NRG2: variants seen among roughly 807,000 people sequenced by gnomAD.
NRG2 encodes pro-neuregulin-2, membrane-bound isoform.
Under a neutral mutation model 73.9 loss-of-function variants are expected in NRG2, and 27 were observed. That is an observed-to-expected ratio of 0.37 (90% confidence interval 0.27 to 0.50). NRG2 has a LOEUF of 0.50. NRG2 is among the 20% of genes least tolerant of loss of function. NRG2 has a pLI of 0.96. For synonymous variants in NRG2, 532 were observed against 541.0 expected (o/e 0.98, Z 0.23); for missense variants, 1,126 against 1,210.1 (o/e 0.93, Z 1.03).
intron 1 of NRG2, among the ~76,000 whole-genome samples, chr5:139,916,411 T>C (rs1751257635): frequency 6.6e-6 from 1 of 152,238 alleles, no homozygotes; most frequent in Non-Finnish European, 1.5e-5. Context: ...ATAATTCACA[T>C]GCCATGCAAA....
At chr5:139,999,287 C>G (rs1758258507) in intron 1 of NRG2, among the ~76,000 whole-genome samples, 1 of 152,230 alleles carries the variant, frequency 6.6e-6, no homozygotes, top group African/African-American at 2.4e-5. Context: ...ACCTCTCAAA[C>G]TATCTGCACC....
At position 139,847,871 on chromosome 5, in the gene NRG2, T is replaced by A; in HGVS notation, c.*46A>T. On this transcript the variant is annotated 3_prime_UTR_variant, in exon 10 of 10. Transcript: ENST00000361474. ...CTCCAGTAGGCGGTCTCTGGTCTCC[T>A]TAAAGATAGTGGGGCGGGCGGGGCG... 7.6e-7 allele frequency: 1 copy of A among 1,320,186 alleles called. No homozygotes were observed. Among genetic ancestry groups the A allele is most frequent in the Non-Finnish European group, 9.8e-7 (1 of 1,021,140 alleles). The allele number at this position is 1,320,186 out of a possible 1,614,324, so 81.8% of individuals were successfully genotyped here.
intron 1 of NRG2, among the ~76,000 whole-genome samples, chr5:139,972,017 T>C (rs1322327504): frequency 6.6e-6 from 1 of 152,164 alleles, no homozygotes; most frequent in Non-Finnish European, 1.5e-5. Context: ...AAAAATGATG[T>C]TCAGGTACCA....
chr5:139,974,390 C>T (rs1167517561), intron 1 of NRG2, among the ~76,000 whole-genome samples: 1 of 152,048 alleles, frequency 6.6e-6, no homozygotes, highest in Non-Finnish European at 1.5e-5. Flanking sequence ...AGCAGGGTAC[C>T]CCAAAAGGCA....
At position 139,887,247 on chromosome 5, in the gene NRG2, G is replaced by T; in HGVS notation, c.872+93C>A. The T allele has an allele frequency of 6.9e-7, 1 of 1,447,720 alleles. No individual in the cohort carries two copies. Among genetic ancestry groups the T allele is most frequent in the African/African-American group, 1.4e-5 (1 of 72,006 alleles). 89.7% of individuals were successfully genotyped at this position (1,447,720 alleles called of 1,614,324 possible). On this transcript the variant is annotated intron_variant, in intron 2 of 9. Transcript: ENST00000361474. This position sits in a 1 kb window ranked among gnomAD's most constrained non-coding sequence, Gnocchi z 4.5. ...ACTGGTTCCATGGGTGAGTCTGGGGGCACAGCCCTGGCCTCTGCCCAGTTC... is the reference window on the plus strand; with the variant it reads ...ACTGGTTCCATGGGTGAGTCTGGGGTCACAGCCCTGGCCTCTGCCCAGTTC...
intron 1 of NRG2, among the ~76,000 whole-genome samples, chr5:139,889,007 C>T (rs145977492): frequency 3.3e-5 from 5 of 152,106 alleles, no homozygotes; most frequent in Admixed American, 6.6e-5. Flanking sequence ...GTAACCCTTT[C>T]GCCTGGGTGT....
chr5:139,985,941 C>T (rs1161153351), intron 1 of NRG2, among the ~76,000 whole-genome samples: 2 of 152,094 alleles, frequency 1.3e-5, no homozygotes, highest in Non-Finnish European at 2.9e-5. Context: ...AGTGTGCAAG[C>T]CAAGACTAGA....
chr5:140,032,491 A>G (rs1761228666), intron 1 of NRG2, among the ~76,000 whole-genome samples: 2 of 152,356 alleles, frequency 1.3e-5, no homozygotes, highest in East Asian at 3.9e-4. Flanking sequence ...GGTACTTTCC[A>G]TGGTTGTCCC....
At chr5:139,938,949 GAAAGAAAGAAAAAA>G (rs1561694083) in intron 1 of NRG2, among the ~76,000 whole-genome samples, 40 of 105,164 alleles carry the variant, frequency 3.8e-4, no homozygotes, top group African/African-American at 1.4e-3. Flanking sequence ...AAGAAAGAAA[GAAAGAAAGAAAAAA>G]GAAGGAAGGA....
In NRG2 at chr5:139,882,757, C is replaced by T. The variant is rs112575960; in HGVS notation, c.873-1783G>A. On this transcript the variant is annotated intron_variant, in intron 2 of 9. Transcript: ENST00000361474. ...ACTCAGAGCCAGATTCTCCTTGTCA[C>T]CCCCCTGGAATTCAGAGGCGCTTCC... is the stretch of plus-strand genomic sequence containing the variant. Among the ~76,000 whole-genome samples, 117 of 152,168 alleles carry T rather than the reference C, an allele frequency of 7.7e-4. 1 individual carries two copies. Among genetic ancestry groups the T allele is most frequent in the African/African-American group, 2.7e-3 (110 of 41,504 alleles).
Position 140,029,781 on chromosome 5 carries a change from A to G in NRG2, c.700+12589T>C, listed in dbSNP as rs151064190. Among the ~76,000 whole-genome samples, 26 of 152,210 alleles carry G rather than the reference A, an allele frequency of 1.7e-4. No homozygotes were observed. The East Asian group carries it at 4.8e-3, about 28-fold the overall frequency. ...TCAGATTTCATAAATTGAGAGGAGA[A>G]CCAAGGACAACCCCTAAGGGACTGT... On this transcript the variant is annotated intron_variant, in intron 1 of 9. Transcript: ENST00000361474.
chr5:139,971,471 G>A (rs986819144), intron 1 of NRG2, among the ~76,000 whole-genome samples: 1 of 152,152 alleles, frequency 6.6e-6, no homozygotes, highest in Non-Finnish European at 1.5e-5. Flanking sequence ...TTGCGGGGAG[G>A]AGCTGTGGCC....
At chr5:139,850,061 G>A (rs1359671302) in intron 9 of NRG2, among the ~76,000 whole-genome samples, 2 of 152,180 alleles carry the variant, frequency 1.3e-5, no homozygotes, top group Admixed American at 1.3e-4. Context: ...AACAGCTCAA[G>A]TTGTTCCCCG....
At chr5:139,923,409 A>G (rs1381440413) in intron 1 of NRG2, among the ~76,000 whole-genome samples, 1 of 152,190 alleles carries the variant, frequency 6.6e-6, no homozygotes, top group African/African-American at 2.4e-5. Context: ...AAGTGCAGGG[A>G]TAGAGCATGA....
intron 1 of NRG2, among the ~76,000 whole-genome samples, chr5:139,920,251 G>A (rs1202302883): frequency 6.6e-6 from 1 of 152,216 alleles, no homozygotes; most frequent in Non-Finnish European, 1.5e-5. Context: ...GGGTTTTGGA[G>A]AGCAGTTCTC....
chr5:139,951,239 G>A (rs1331421004), intron 1 of NRG2, among the ~76,000 whole-genome samples: 1 of 152,226 alleles, frequency 6.6e-6, no homozygotes, highest in Non-Finnish European at 1.5e-5. Context: ...TCTCTAAAAT[G>A]ACAGTTTTGT....
At chr5:139,994,335 T>C (rs553090928) in intron 1 of NRG2, among the ~76,000 whole-genome samples, 1 of 152,330 alleles carries the variant, frequency 6.6e-6, no homozygotes, top group South Asian at 2.1e-4. Flanking sequence ...AATTGCAAAC[T>C]CTTCACATTT....
chr5:139,898,467 A>G (rs539930896), intron 1 of NRG2, among the ~76,000 whole-genome samples: 1 of 152,306 alleles, frequency 6.6e-6, no homozygotes, highest in Admixed American at 6.5e-5. Context: ...GGAGTGAACT[A>G]TGAGTTCAGA....
In NRG2 at chr5:139,870,068, G is replaced by A. The variant is rs948358572; in HGVS notation, c.1112+1653C>T. The stretch of plus-strand genomic sequence containing the variant: ...CTAGTGTGTATGTCACAGGGAGGAG[G>A]AGGGTGCAGGAGACAAGGAAATGGG... On this transcript the variant is annotated intron_variant, in intron 4 of 9. Coordinates refer to ENST00000361474, the MANE Select transcript of NRG2 (RefSeq NM_004883.3). This position sits in a 1 kb window ranked among gnomAD's most constrained non-coding sequence, Gnocchi z 4.4. Among the ~76,000 whole-genome samples, 4 of 152,214 alleles carry A rather than the reference G, an allele frequency of 2.6e-5. No homozygotes were observed. Among genetic ancestry groups the A allele is most frequent in the African/African-American group, 4.8e-5 (2 of 41,430 alleles).
Sources: gnomAD v4.1 joint callset for allele counts (sites outside exome capture counted in the v4.1 genomes callset) on GRCh38, gnomAD v4.1.1 for gene constraint, Gnocchi (gnomAD v3.1) non-coding constraint, MANE v1.5 for transcripts, NCBI Gene and HGNC (gene_info 2026-07-23, HGNC 2026-07-21) for gene names.